The following TOX3 variants were observed in gnomAD, a reference collection of about 807,000 sequenced individuals.
TOX3 encodes the protein CAG trinucleotide repeat-containing gene F9 protein.
In TOX3, 22 loss-of-function variants were observed where a neutral mutation model predicts 64.3. The ratio of observed to expected loss-of-function variants is 0.34; its 90% CI spans 0.24 to 0.49. TOX3 has a LOEUF of 0.49. TOX3 is among the 20% of genes least tolerant of loss of function. The pLI, the probability that TOX3 is intolerant of heterozygous loss-of-function variation, is 0.99. For missense variants in TOX3, 661 were observed against 714.4 expected, an observed-to-expected ratio of 0.93 and a Z score of 0.85; for synonymous variants, 291 against 273.6, an observed-to-expected ratio of 1.06 and a Z score of -0.63.
intron 3 of TOX3, 94 bp downstream of exon 3, chr16:52,463,840 G>T: frequency 5.0e-6 from 7 of 1,413,196 alleles, no homozygotes; most frequent in Non-Finnish European, 6.5e-6. Flanking sequence ...ACTAGGAACA[G>T]GCAAGAGCAC....
chr16:52,485,714 C>T (rs1014992193), intron 1 of TOX3, among the ~76,000 whole-genome samples: 35 of 152,192 alleles, frequency 2.3e-4, no homozygotes, highest in Admixed American at 5.2e-4. Context: ...ACTGGCAGAT[C>T]AGTTAGGAAA....
At chr16:52,488,628 A>C (rs1961592186) in intron 1 of TOX3, among the ~76,000 whole-genome samples, 1 of 152,178 alleles carries the variant, frequency 6.6e-6, no homozygotes, top group Non-Finnish European at 1.5e-5. Context: ...AGTAAAGCAG[A>C]CTCAAGAAAA....
At chr16:52,524,603 G>A (rs1771266307) in intron 1 of TOX3, among the ~76,000 whole-genome samples, 2 of 152,138 alleles carry the variant, frequency 1.3e-5, no homozygotes, top group South Asian at 4.1e-4. Flanking sequence ...AGGGCTGAAA[G>A]GGACTCACTC....
At chr16:52,444,720 C>A in intron 5 of TOX3, 1 of 171,632 alleles carries the variant, frequency 5.8e-6, no homozygotes, top group Non-Finnish European at 1.2e-5. Flanking sequence ...AGCTTTGCTG[C>A]AAATGGCTTA....
chr16:52,506,572 C>A (rs1962167853), intron 1 of TOX3, among the ~76,000 whole-genome samples: 1 of 152,000 alleles, frequency 6.6e-6, no homozygotes, highest in African/African-American at 2.4e-5. Flanking sequence ...AGGAATAGAA[C>A]CCACAGAGTC....
chr16:52,516,591 A>C (rs1962464163), intron 1 of TOX3, among the ~76,000 whole-genome samples: 1 of 152,358 alleles, frequency 6.6e-6, no homozygotes, highest in East Asian at 1.9e-4. Context: ...CATGTGAGCA[A>C]AATGGAATGA....
chr16:52,497,483 T>C (rs954981067), intron 1 of TOX3, among the ~76,000 whole-genome samples: 1 of 152,192 alleles, frequency 6.6e-6, no homozygotes, highest in Non-Finnish European at 1.5e-5. Context: ...TTTGTGGAAA[T>C]GTTGCTCTCT....
intron 3 of TOX3, among the ~76,000 whole-genome samples, chr16:52,452,778 C>T (rs4783778): frequency 0.72 from 110,092 of 152,100 alleles, 40,818 homozygotes; most frequent in East Asian, 0.88. Context: ...AAAGAGTCTG[C>T]CAACAAGTGT....
intron 3 of TOX3, among the ~76,000 whole-genome samples, chr16:52,459,095 C>G (rs1003250805): frequency 1.3e-5 from 2 of 152,126 alleles, no homozygotes; most frequent in African/African-American, 4.8e-5. Flanking sequence ...AGGAGAACAG[C>G]TGGAAGCCAG....
At position 52,438,381 on chromosome 16, in the gene TOX3, T is replaced by C. The variant is rs899835457; in HGVS notation, c.*844A>G. The C allele has an allele frequency of 1.3e-5, 2 of 152,708 alleles. No individual in the cohort carries two copies. Among genetic ancestry groups the C allele is most frequent in the African/African-American group, 4.8e-5 (2 of 41,470 alleles). 9.5% of individuals were successfully genotyped at this position (152,708 alleles called of 1,614,324 possible). ...ACTGGTATTACATCATAATAAAAAC[T>C]CTTGCTTTTTCTTTTTAAATCTTAA... On this transcript the variant is annotated 3_prime_UTR_variant, in exon 7 of 7. Coordinates refer to ENST00000219746, the MANE Select transcript of TOX3 (RefSeq NM_001080430.4).
intron 1 of TOX3, among the ~76,000 whole-genome samples, chr16:52,540,240 C>A (rs562015943): frequency 3.1e-4 from 47 of 151,030 alleles, no homozygotes; most frequent in Non-Finnish European, 5.0e-4. Flanking sequence ...AAAAAGTTAG[C>A]CAAGCATAGC....
rs766046240 is a variant in TOX3, at chr16:52,491,282, T to C, written c.88-22708A>G. On this transcript the variant is annotated intron_variant, in intron 1 of 6. Coordinates refer to ENST00000219746, the MANE Select transcript of TOX3 (RefSeq NM_001080430.4). ...CCTTTTCTGTTAACATCCAATGGGGTGAGCTCTTCTTCCTCCTGCCCCTAC... is the reference window on the plus strand; with the variant it reads ...CCTTTTCTGTTAACATCCAATGGGGCGAGCTCTTCTTCCTCCTGCCCCTAC... 4.6e-5 allele frequency among the ~76,000 whole-genome samples: 7 copies of C among 152,046 alleles called. No individual in the cohort carries two copies. In the South Asian group the frequency reaches 1.0e-3, roughly 23 times the overall value.
At chr16:52,482,898 A>G (rs560448443) in intron 1 of TOX3, among the ~76,000 whole-genome samples, 2 of 152,356 alleles carry the variant, frequency 1.3e-5, no homozygotes, top group African/African-American at 4.8e-5. Context: ...GAATCCATCT[A>G]TAAAGCCAAT....
At chr16:52,490,250 G>A (rs934330584) in intron 1 of TOX3, among the ~76,000 whole-genome samples, 3 of 152,116 alleles carry the variant, frequency 2.0e-5, no homozygotes, top group Admixed American at 6.6e-5. Context: ...ATGTGAAGAA[G>A]GTCCTTGCTT....
chr16:52,493,004 T>C (rs1028029998), intron 1 of TOX3, among the ~76,000 whole-genome samples: 1 of 151,938 alleles, frequency 6.6e-6, no homozygotes, highest in African/African-American at 2.4e-5. Flanking sequence ...TACTTACAAG[T>C]GAAACAAACA....
At chr16:52,501,738 C>T (rs988263820) in intron 1 of TOX3, among the ~76,000 whole-genome samples, 1 of 151,908 alleles carries the variant, frequency 6.6e-6, no homozygotes, top group Non-Finnish European at 1.5e-5. Context: ...TTAATGCTCA[C>T]TCCCTGAGCT....
chr16:52,465,101 G>A lies in TOX3; in HGVS notation c.154-913C>T, dbSNP rs1353723396. 5.3e-5 allele frequency among the ~76,000 whole-genome samples: 7 copies of A among 131,338 alleles called. No homozygotes were observed. In the Admixed American group the frequency reaches 5.5e-4, roughly 10 times the overall value. 86.2% of individuals were successfully genotyped at this position (131,338 alleles called of 152,430 possible). A position where few individuals can be genotyped will look rare whatever the true frequency, so the allele number is the denominator to read the frequency against. On this transcript the variant is annotated intron_variant, in intron 2 of 6. Coordinates refer to ENST00000219746, the MANE Select transcript of TOX3 (RefSeq NM_001080430.4). ...GCCATCTCGGCTCACTGCAAGCTCCGCCTCCCGGATTCACGCCATTCTCCT... is the reference window on the plus strand; with the variant it reads ...GCCATCTCGGCTCACTGCAAGCTCCACCTCCCGGATTCACGCCATTCTCCT...
At chr16:52,473,135 T>C (rs1464820110) in intron 1 of TOX3, among the ~76,000 whole-genome samples, 2 of 152,188 alleles carry the variant, frequency 1.3e-5, no homozygotes, top group Non-Finnish European at 2.9e-5. Context: ...AGTAAATTAA[T>C]GTGGATTGTT....
rs574182319 is a variant in TOX3, at chr16:52,535,235, C to T, written c.87+11402G>A. Among the ~76,000 whole-genome samples the T allele has an allele frequency of 1.1e-4, 16 of 152,312 alleles. No homozygotes were observed. The South Asian group carries it at 3.3e-3, about 32-fold the overall frequency. ...CTTGCTGAACTACCTGGTGTCCCTT[C>T]CTCTCCACTCACTCCTTCCACAGTA... On this transcript the variant is annotated intron_variant, in intron 1 of 6. Transcript: ENST00000219746.
Sources: gnomAD v4.1 joint callset for allele counts (sites outside exome capture counted in the v4.1 genomes callset) on GRCh38, gnomAD v4.1.1 for gene constraint, MANE v1.5 for transcripts, NCBI Gene and HGNC (gene_info 2026-07-23, HGNC 2026-07-21) for gene names.